Variants in DGKI observed in about 807,000 individuals in gnomAD.
The protein encoded by DGKI is DAG kinase iota.
In DGKI, 55 loss-of-function variants were observed where a neutral mutation model predicts 147.5. The observed-to-expected ratio is 0.37, with a 90% CI of 0.30 to 0.47. The LOEUF (loss-of-function observed/expected upper bound fraction) is 0.47. DGKI is among the 20% of genes least tolerant of loss of function. The probability of loss-of-function intolerance (pLI) is 1.00; values close to 1 mark genes in which losing one functional copy is unlikely to be tolerated. For missense variants in DGKI, 1,007 were observed against 1,323.8 expected, an observed-to-expected ratio of 0.76 and a Z score of 3.71; for synonymous variants, 469 against 477.1, an observed-to-expected ratio of 0.98 and a Z score of 0.22.
intron 1 of DGKI, among the ~76,000 whole-genome samples, chr7:137,733,879 G>A (rs925033736): frequency 2.0e-5 from 3 of 152,066 alleles, no homozygotes; most frequent in African/African-American, 7.2e-5. Context: ...GGTTTCACAT[G>A]CTACCTATAA....
chr7:137,715,010 CAG>C (rs1255333372), intron 1 of DGKI, among the ~76,000 whole-genome samples: 1 of 151,808 alleles, frequency 6.6e-6, no homozygotes, highest in Non-Finnish European at 1.5e-5. Flanking sequence ...AATCAGAAAA[CAG>C]AAACAAAAAT....
chr7:137,530,439 T>C (rs1015908998), intron 20 of DGKI, among the ~76,000 whole-genome samples: 3 of 152,144 alleles, frequency 2.0e-5, no homozygotes, highest in South Asian at 2.1e-4. Context: ...CCTAGGCTAA[T>C]TGGGCCCCAT....
intron 1 of DGKI, among the ~76,000 whole-genome samples, chr7:137,728,695 T>TA (rs1794784539): frequency 6.6e-6 from 1 of 152,180 alleles, no homozygotes; most frequent in Non-Finnish European, 1.5e-5. Context: ...CTCAGACAGA[T>TA]ATCACCAGCT....
At chr7:137,499,524 C>T (rs1221319575) in intron 21 of DGKI, among the ~76,000 whole-genome samples, 1 of 152,034 alleles carries the variant, frequency 6.6e-6, no homozygotes, top group Non-Finnish European at 1.5e-5. Flanking sequence ...CTGCTTGGGG[C>T]CTGGATAGAA....
At chr7:137,743,284 T>C (rs576487571) in intron 1 of DGKI, among the ~76,000 whole-genome samples, 23 of 152,238 alleles carry the variant, frequency 1.5e-4, no homozygotes, top group Admixed American at 3.3e-4. Context: ...CTGGATCTAA[T>C]TGACATCTAC....
At chr7:137,778,094 T>C (rs1796412101) in intron 1 of DGKI, among the ~76,000 whole-genome samples, 1 of 152,206 alleles carries the variant, frequency 6.6e-6, no homozygotes, top group Non-Finnish European at 1.5e-5. Context: ...TTTGTGATAC[T>C]AAAACATAAC....
intron 27 of DGKI, among the ~76,000 whole-genome samples, chr7:137,456,414 G>A (rs1032710650): frequency 1.3e-5 from 2 of 152,064 alleles, no homozygotes; most frequent in African/African-American, 4.8e-5. Flanking sequence ...GTTTGACAAA[G>A]CACCTTTTCT....
At chr7:137,642,450 C>T (rs7802474) in intron 6 of DGKI, among the ~76,000 whole-genome samples, 8,755 of 152,224 alleles carry the variant, frequency 0.058, 749 homozygotes, top group African/African-American at 0.18. Flanking sequence ...CTTGTGGTTC[C>T]ACCCACCATC....
At chr7:137,490,199 T>G (rs1263860218) in intron 21 of DGKI, among the ~76,000 whole-genome samples, 3 of 152,184 alleles carry the variant, frequency 2.0e-5, no homozygotes, top group Non-Finnish European at 2.9e-5. Context: ...CAATATGCAG[T>G]AGAAAGGATT....
Position 137,585,299 on chromosome 7 carries a change from A to C in DGKI, c.1473T>G (p.Asp491Glu). ...PVSKILCQVE[D>E]GTVVQLDRWN... ...AGCGATCTAGCTGTACAACTGTCCC[A>C]TCTTCCACTTGACACAGGATCTTAG... The change falls in exon 14 of 33, where the codon GAT becomes GAG. Residue 491 changes from aspartate to glutamate, a missense_variant. This residue lies in a region of DGKI where 224 missense variants were observed against 382.7 expected (regional missense o/e 0.59). Transcript: ENST00000614521. 1 of 1,614,180 alleles carries C rather than the reference A, an allele frequency of 6.2e-7. No individual in the cohort carries two copies. The highest frequency in any genetic ancestry group is 8.5e-7 in the Non-Finnish European group (1 of 1,180,016).
At chr7:137,572,680 C>A (rs1323084477) in intron 18 of DGKI, 85 bp downstream of exon 18, 8 of 880,016 alleles carry the variant, frequency 9.1e-6, no homozygotes, top group Non-Finnish European at 1.4e-5. Flanking sequence ...TCATTGTTTA[C>A]ATCTGAAACT....
intron 6 of DGKI, among the ~76,000 whole-genome samples, chr7:137,644,574 G>A (rs1821762604): frequency 6.6e-6 from 1 of 152,140 alleles, no homozygotes; most frequent in African/African-American, 2.4e-5. Context: ...TCACACCAAT[G>A]CTTGACCCAA....
At chr7:137,472,388 C>CATA (rs1276766197) in intron 23 of DGKI, among the ~76,000 whole-genome samples, 12 of 87,700 alleles carry the variant, frequency 1.4e-4, no homozygotes, top group African/African-American at 8.4e-4. Flanking sequence ...TGTATATATA[C>CATA]ATATTATAAT....
intron 1 of DGKI, among the ~76,000 whole-genome samples, chr7:137,822,467 TAAGGA>T (rs1011826311): frequency 1.3e-5 from 2 of 152,030 alleles, no homozygotes; most frequent in African/African-American, 2.4e-5. Flanking sequence ...GTAGAACTCT[TAAGGA>T]AAGTGGAGGA....
At chr7:137,399,814 G>T (rs763174775) in intron 30 of DGKI, among the ~76,000 whole-genome samples, 16 of 151,914 alleles carry the variant, frequency 1.1e-4, no homozygotes, top group Admixed American at 2.0e-4. Flanking sequence ...GGAGGCTGAG[G>T]CAGGAAAATC....
chr7:137,595,120 C>G (rs1278305807), intron 12 of DGKI, among the ~76,000 whole-genome samples: 2 of 151,976 alleles, frequency 1.3e-5, no homozygotes, highest in Non-Finnish European at 2.9e-5. Flanking sequence ...GGAAAAGGTA[C>G]CTACCACATT....
intron 21 of DGKI, among the ~76,000 whole-genome samples, chr7:137,515,904 T>A (rs779491183): frequency 1.1e-4 from 16 of 152,012 alleles, no homozygotes; most frequent in Non-Finnish European, 2.2e-4. Flanking sequence ...TAAAAGAAAC[T>A]AAGCACGAAA....
At chr7:137,475,673 A>G (rs552312188) in intron 23 of DGKI, among the ~76,000 whole-genome samples, 106 of 152,314 alleles carry the variant, frequency 7.0e-4, no homozygotes, top group African/African-American at 2.5e-3. Flanking sequence ...AGCATGGACC[A>G]TGTCGTTAAA....
chr7:137,828,487 G>A (rs1310372648), intron 1 of DGKI, among the ~76,000 whole-genome samples: 1 of 152,146 alleles, frequency 6.6e-6, no homozygotes, highest in Admixed American at 6.5e-5. Context: ...AAAGCACTCA[G>A]TGCGTGGAAG....
Sources: gnomAD v4.1 joint callset for allele counts (sites outside exome capture counted in the v4.1 genomes callset) on GRCh38, gnomAD v4.1.1 for gene constraint, gnomAD v4.1.1 regional missense constraint, MANE v1.5 for transcripts, NCBI Gene and HGNC (gene_info 2026-07-23, HGNC 2026-07-21) for gene names.